Variants in PPP1CB observed in about 807,000 individuals in gnomAD.
PPP1CB encodes protein phosphatase 1 catalytic subunit beta.
Under a neutral mutation model 43.7 loss-of-function variants are expected in PPP1CB, and 2 were observed. That is an observed-to-expected ratio of 0.05 (90% CI 0.02 to 0.14). The LOEUF is 0.14. PPP1CB is among the 10% of genes least tolerant of loss of function. PPP1CB has a pLI of 1.00. For missense variants in PPP1CB, 84 were observed against 398.0 expected (o/e 0.21, Z 6.71); for synonymous variants, 136 against 135.6 (o/e 1.00, Z -0.02).
Position 28,800,058 on chromosome 2 carries a change from A to G in PPP1CB, c.*755A>G, listed in dbSNP as rs750703189. 3 of 152,442 alleles carry G rather than the reference A, an allele frequency of 2.0e-5. No homozygotes were observed. Among genetic ancestry groups the G allele is most frequent in the Non-Finnish European group, 4.4e-5 (3 of 67,926 alleles). The allele number at this position is 152,442 out of a possible 1,614,324, so 9.4% of individuals were successfully genotyped here. On this transcript the variant is annotated 3_prime_UTR_variant, in exon 8 of 8. Coordinates refer to ENST00000395366, the MANE Select transcript of PPP1CB (RefSeq NM_002709.3). ...TTAACTTATTGATGCTCTATTGTGC[A>G]GTAGCATTTCATTTAAGATAAGGCT...
At chr2:28,753,796 C>A (rs1209371179) in intron 1 of PPP1CB, among the ~76,000 whole-genome samples, 1 of 152,080 alleles carries the variant, frequency 6.6e-6, no homozygotes, top group Non-Finnish European at 1.5e-5. Context: ...TGCAATGGCA[C>A]GGTCTCAGCT....
intron 6 of PPP1CB, among the ~76,000 whole-genome samples, chr2:28,789,565 T>C (rs114241479): frequency 6.6e-6 from 1 of 151,458 alleles, no homozygotes; most frequent in Non-Finnish European, 1.5e-5. Context: ...TTTCAGTGCT[T>C]CTTTGAAGCT....
intron 5 of PPP1CB, among the ~76,000 whole-genome samples, chr2:28,786,094 T>C (rs1301233410): frequency 1.3e-5 from 2 of 152,172 alleles, no homozygotes; most frequent in Admixed American, 1.3e-4. Flanking sequence ...TGATGCTAGC[T>C]CATTAAACAA....
chr2:28,788,889 G>T, intron 6 of PPP1CB, 80 bp downstream of exon 6: 1 of 1,356,684 alleles, frequency 7.4e-7, no homozygotes, highest in Non-Finnish European at 9.8e-7. Context: ...ACAGATTCTT[G>T]TTCTGTCACC....
intron 1 of PPP1CB, among the ~76,000 whole-genome samples, chr2:28,769,782 C>G (rs1666862700): frequency 6.6e-6 from 1 of 151,766 alleles, no homozygotes; most frequent in Admixed American, 6.6e-5. Flanking sequence ...ATCTCTAGAG[C>G]AACCTCTAAA....
At chr2:28,793,350 T>C (rs1572470228) in intron 6 of PPP1CB, among the ~76,000 whole-genome samples, 1 of 152,280 alleles carries the variant, frequency 6.6e-6, no homozygotes. Flanking sequence ...TAATAATACA[T>C]ATTTTAAAAT....
At chr2:28,798,028 A>G (rs1164377280) in intron 7 of PPP1CB, among the ~76,000 whole-genome samples, 1 of 152,164 alleles carries the variant, frequency 6.6e-6, no homozygotes, top group Non-Finnish European at 1.5e-5. Flanking sequence ...TCATTTACAA[A>G]TTAAATATAG....
Position 28,776,874 on chromosome 2 carries a change from A to G in PPP1CB, c.76A>G (p.Ile26Val). 2 of 1,612,782 alleles carry G rather than the reference A, an allele frequency of 1.2e-6. No homozygotes were observed. Among genetic ancestry groups the G allele is most frequent in the Non-Finnish European group, 1.7e-6 (2 of 1,179,018 alleles). ...AGTACGAGGATGTCGTCCAGGAAAG[A>G]TTGTGCAGATGACTGAAGCAGAAGT... ...LEVRGCRPGKIVQMTEAEVRG... is the reference protein window; with the variant it reads ...LEVRGCRPGKVVQMTEAEVRG... The change falls in exon 2 of 8, where the codon ATT (isoleucine) becomes GTT (valine). Residue 26 changes from isoleucine to valine, a missense_variant. Physicochemically the swap from Ile to Val is conservative, Grantham distance 29. Around this residue, in one of 5 missense-constraint regions of PPP1CB, gnomAD observed 27 missense variants for 42.7 expected, o/e 0.63. Coordinates refer to ENST00000395366, the MANE Select transcript of PPP1CB (RefSeq NM_002709.3).
At chr2:28,780,604 T>C (rs1478159372) in intron 3 of PPP1CB, among the ~76,000 whole-genome samples, 7 of 152,110 alleles carry the variant, frequency 4.6e-5, no homozygotes, top group Non-Finnish European at 7.3e-5. Context: ...TCTTTGGGGA[T>C]AGAAATGACA....
chr2:28,779,546 TTAG>T (rs1408213934), intron 3 of PPP1CB, among the ~76,000 whole-genome samples: 1 of 152,200 alleles, frequency 6.6e-6, no homozygotes, highest in Non-Finnish European at 1.5e-5. Context: ...CTCTTTTTCA[TTAG>T]TAGGAAATCA....
intron 6 of PPP1CB, among the ~76,000 whole-genome samples, chr2:28,792,592 G>C (rs1318370386): frequency 6.6e-6 from 1 of 152,128 alleles, no homozygotes; most frequent in Non-Finnish European, 1.5e-5. Context: ...AGGGGTCACA[G>C]GGATTAGATA....
In PPP1CB at chr2:28,801,132, AT is replaced by A. The variant is rs1667606209; in HGVS notation, c.*1831del. ...ACTATGTCCTTGACATATTGAAATG[AT>A]TCTTTTCTGAAAGTATTCATGATCT... On this transcript the variant is annotated 3_prime_UTR_variant, in exon 8 of 8. Coordinates refer to ENST00000395366, the MANE Select transcript of PPP1CB (RefSeq NM_002709.3). The A allele has an allele frequency of 6.6e-6, 1 of 152,294 alleles. No individual in the cohort carries two copies. The highest frequency in any genetic ancestry group is 2.4e-5 in the African/African-American group (1 of 41,428). 9.4% of individuals were successfully genotyped at this position (152,294 alleles called of 1,614,324 possible).
At position 28,784,048 on chromosome 2, in the gene PPP1CB, G is replaced by C; in HGVS notation, c.592+70G>C. ...ATATTTGAACTTGATTACATTTAGT[G>C]GAAGTAGGATTGGCTTATGTAATAA... On this transcript the variant is annotated intron_variant, in intron 5 of 7. Coordinates refer to ENST00000395366, the MANE Select transcript of PPP1CB (RefSeq NM_002709.3). 11 of 1,208,276 alleles carry C rather than the reference G, an allele frequency of 9.1e-6. No individual in the cohort carries two copies. In the South Asian group the frequency reaches 1.3e-4, roughly 14 times the overall value. 74.8% of individuals were successfully genotyped at this position (1,208,276 alleles called of 1,614,324 possible).
intron 5 of PPP1CB, among the ~76,000 whole-genome samples, chr2:28,784,206 A>G (rs1647497638): frequency 6.6e-6 from 1 of 152,198 alleles, no homozygotes; most frequent in African/African-American, 2.4e-5. Flanking sequence ...TAGTTATTTG[A>G]TCACAAAAAA....
chr2:28,798,423 G>A (rs549018593), intron 7 of PPP1CB, among the ~76,000 whole-genome samples: 4 of 152,092 alleles, frequency 2.6e-5, no homozygotes, highest in South Asian at 4.1e-4. Flanking sequence ...CCTTATAGCC[G>A]AAAAAGTCAC....
At chr2:28,789,561 T>C (rs1205262026) in intron 6 of PPP1CB, among the ~76,000 whole-genome samples, 1 of 151,700 alleles carries the variant, frequency 6.6e-6, no homozygotes, top group African/African-American at 2.4e-5. Context: ...AAATTTTCAG[T>C]GCTTCTTTGA....
At chr2:28,769,817 G>A (rs1331363327) in intron 1 of PPP1CB, among the ~76,000 whole-genome samples, 1 of 151,930 alleles carries the variant, frequency 6.6e-6, no homozygotes, top group Non-Finnish European at 1.5e-5. Flanking sequence ...ATAACGAAAA[G>A]CTAATAGAGG....
At chr2:28,764,602 C>A (rs1666740297) in intron 1 of PPP1CB, among the ~76,000 whole-genome samples, 1 of 151,810 alleles carries the variant, frequency 6.6e-6, no homozygotes, top group Non-Finnish European at 1.5e-5. Flanking sequence ...GATTTAACTG[C>A]CATTAATTAG....
rs1666312111 is a variant in PPP1CB, at chr2:28,752,162, C to T, written c.38C>T (p.Thr13Ile). The T allele has an allele frequency of 6.5e-7, 1 of 1,547,966 alleles. No homozygotes were observed. Among genetic ancestry groups the T allele is most frequent in the Non-Finnish European group, 8.7e-7 (1 of 1,145,284 alleles). ...GAGCTGAACGTGGACAGCCTCATCA[C>T]CCGGCTGCTGGAGGGTGAGTGCGCG... The part of the protein sequence containing the change: ...DGELNVDSLI[T>I]RLLEVRGCRP... Residue 13 changes from threonine to isoleucine, a missense_variant, in exon 1 of 8, where the codon ACC becomes ATC. Around this residue, in one of 5 missense-constraint regions of PPP1CB, gnomAD observed 27 missense variants for 42.7 expected, o/e 0.63. Coordinates refer to ENST00000395366, the MANE Select transcript of PPP1CB (RefSeq NM_002709.3).
Sources: gnomAD v4.1 joint callset for allele counts (sites outside exome capture counted in the v4.1 genomes callset) on GRCh38, gnomAD v4.1.1 for gene constraint, gnomAD v4.1.1 regional missense constraint, MANE v1.5 for transcripts, NCBI Gene and HGNC (gene_info 2026-07-23, HGNC 2026-07-21) for gene names.